The following ZDHHC2 variants were observed in gnomAD, a reference collection of about 807,000 sequenced individuals.
The protein encoded by ZDHHC2 is zDHHC palmitoyltransferase 2, also known as palmitoyltransferase ZDHHC2.
A neutral mutation model predicts 55.6 loss-of-function variants in ZDHHC2; 51 were observed. The observed-to-expected ratio is 0.92, with a 90% CI of 0.73 to 1.16. The LOEUF is 1.16. Ranked by LOEUF, ZDHHC2 falls within the 50% of genes most tolerant of loss-of-function variation. The pLI is 0.00. For synonymous variants in ZDHHC2, 199 were observed against 152.9 expected, an observed-to-expected ratio of 1.30 and a Z score of -2.22; for missense variants, 491 against 442.4, an observed-to-expected ratio of 1.11 and a Z score of -0.99.
intron 1 of ZDHHC2, among the ~76,000 whole-genome samples, chr8:17,172,758 C>T (rs1315433439): frequency 6.6e-6 from 1 of 152,066 alleles, no homozygotes; most frequent in Non-Finnish European, 1.5e-5. Flanking sequence ...CTGTGTAGTA[C>T]AAATTGGAGT....
At position 17,224,090 on chromosome 8, in the gene ZDHHC2, T is replaced by A. The variant is rs569712995; in HGVS notation, c.*3869T>A. Reference sequence around the variant, plus strand: ...AAATGTGAGCAAAGAACTATGATGATGCAGTCCAGGTATCTAATAGCTCAA... The same window carrying A: ...AAATGTGAGCAAAGAACTATGATGAAGCAGTCCAGGTATCTAATAGCTCAA... On this transcript the variant is annotated 3_prime_UTR_variant, in exon 13 of 13. Coordinates refer to ENST00000262096, the MANE Select transcript of ZDHHC2 (RefSeq NM_016353.5). The A allele has an allele frequency of 2.3e-4, 35 of 151,778 alleles. No homozygotes were observed. Among genetic ancestry groups the A allele is most frequent in the African/African-American group, 8.2e-4 (34 of 41,504 alleles). The allele number at this position is 151,778 out of a possible 1,614,324, so 9.4% of individuals were successfully genotyped here.
chr8:17,156,898 A>T lies in ZDHHC2; in HGVS notation c.130+45A>T. ...CGGCGCCCCCAGCGCAGCGCAGCCC[A>T]CCCCGACTGTCCCGGGACGCTCAGC... is the stretch of plus-strand genomic sequence containing the variant. On this transcript the variant is annotated intron_variant, in intron 1 of 12. Coordinates refer to ENST00000262096, the MANE Select transcript of ZDHHC2 (RefSeq NM_016353.5). 2.7e-6 allele frequency: 4 copies of T among 1,461,070 alleles called. No homozygotes were observed. The South Asian group carries it at 3.9e-5, about 14-fold the overall frequency. 90.5% of individuals were successfully genotyped at this position (1,461,070 alleles called of 1,614,324 possible). A position where few individuals can be genotyped will look rare whatever the true frequency, so the allele number is the denominator to read the frequency against.
chr8:17,203,849 C>G (rs1016624424), intron 6 of ZDHHC2, among the ~76,000 whole-genome samples: 3 of 143,366 alleles, frequency 2.1e-5, no homozygotes, highest in Non-Finnish European at 4.5e-5. Context: ...CCCTTTGTTG[C>G]CAGGCTGGAG....
chr8:17,204,415 C>G (rs996498908), intron 6 of ZDHHC2, among the ~76,000 whole-genome samples: 1 of 152,216 alleles, frequency 6.6e-6, no homozygotes, highest in African/African-American at 2.4e-5. Flanking sequence ...CCTGTATGTT[C>G]TATTTAATAG....
At chr8:17,169,871 C>A (rs1804771640) in intron 1 of ZDHHC2, among the ~76,000 whole-genome samples, 1 of 151,914 alleles carries the variant, frequency 6.6e-6, no homozygotes, top group South Asian at 2.1e-4. Flanking sequence ...TTTTTTAGAA[C>A]TTCTCACTTA....
rs1310376712 is a variant in ZDHHC2 at position 17,195,589 on chromosome 8, A to G, written c.338A>G (p.Lys113Arg). ...AHQEVLRRAA[K>R]DLPIYTRTMS... is the part of the protein sequence containing the mutation. ...CAGGAAGTTCTTAGGCGAGCAGCCA[A>G]GGATCTTCCCATCTATACCAGGACC... The change falls in exon 4 of 13, where the codon AAG becomes AGG. Residue 113 changes from lysine to arginine, a missense_variant. Lys to Arg is a conservative substitution (Grantham distance 26, BLOSUM62 2). Coordinates refer to ENST00000262096, the MANE Select transcript of ZDHHC2 (RefSeq NM_016353.5). 4.3e-6 allele frequency: 7 copies of G among 1,613,820 alleles called. No homozygotes were observed. Among genetic ancestry groups the G allele is most frequent in the African/African-American group, 2.7e-5 (2 of 74,930 alleles).
At position 17,212,361 on chromosome 8, in the gene ZDHHC2, C is replaced by T. The variant is rs77063057; in HGVS notation, c.950+1881C>T. Among the ~76,000 whole-genome samples the T allele has an allele frequency of 3.8e-3, 577 of 152,236 alleles. 7 individuals are homozygous for T. Among genetic ancestry groups the T allele is most frequent in the East Asian group, 0.033 (173 of 5,174 alleles). The stretch of plus-strand genomic sequence containing the variant: ...AATTTGATTCCCAGCCATGTGTACC[C>T]TCATCACCACCCTAAACCAGAATCT... On this transcript the variant is annotated intron_variant, in intron 10 of 12. Transcript: ENST00000262096.
intron 7 of ZDHHC2, among the ~76,000 whole-genome samples, chr8:17,207,464 T>A (rs1385542377): frequency 2.6e-5 from 4 of 152,198 alleles, no homozygotes; most frequent in Non-Finnish European, 5.9e-5. Flanking sequence ...AATGTGTTGT[T>A]ATATGTATTC....
At chr8:17,192,122 T>G (rs981807995) in intron 3 of ZDHHC2, among the ~76,000 whole-genome samples, 3 of 152,180 alleles carry the variant, frequency 2.0e-5, no homozygotes, top group African/African-American at 7.2e-5. Flanking sequence ...TAGCTGTGAC[T>G]ACAGGCATGC....
chr8:17,173,875 A>G (rs2150892117), intron 1 of ZDHHC2, among the ~76,000 whole-genome samples: 1 of 152,250 alleles, frequency 6.6e-6, no homozygotes, highest in South Asian at 2.1e-4. Flanking sequence ...AAGGGTCTTT[A>G]AAGAAATAAT....
At chr8:17,159,840 C>T (rs1399985752) in intron 1 of ZDHHC2, among the ~76,000 whole-genome samples, 1 of 152,118 alleles carries the variant, frequency 6.6e-6, no homozygotes, top group African/African-American at 2.4e-5. Flanking sequence ...ATTTGTATTC[C>T]TCCCCCTCCA....
chr8:17,186,204 A>C (rs1025238032), intron 2 of ZDHHC2, 127 bp from the exon 3 acceptor site: 10 of 618,366 alleles, frequency 1.6e-5, no homozygotes, highest in Non-Finnish European at 2.7e-5. Flanking sequence ...GTATAAAGTA[A>C]AGGAACTTTC....
chr8:17,186,215 A>C (rs1241424042), intron 2 of ZDHHC2, 116 bp from the exon 3 acceptor site: 6 of 642,884 alleles, frequency 9.3e-6, no homozygotes, highest in East Asian at 3.1e-5. Flanking sequence ...AGGAACTTTC[A>C]TAATGTATTA....
Position 17,186,406 on chromosome 8 carries a change from C to A in ZDHHC2, c.233C>A (p.Pro78Gln). Reference sequence around the variant, plus strand: ...TACTGGAAAACTATCTTTACATTACCAATGAATCCTTCAAAAGAAGTAAGT... The same window carrying A: ...TACTGGAAAACTATCTTTACATTACAAATGAATCCTTCAAAAGAAGTAAGT... ...WSYWKTIFTL[P>Q]MNPSKEFHLS... The change falls in exon 3 of 13, where the codon CCA becomes CAA. Residue 78 changes from proline to glutamine, a missense_variant. Transcript: ENST00000262096. 1 of 1,557,248 alleles carries A rather than the reference C, an allele frequency of 6.4e-7. No homozygotes were observed.
At chr8:17,209,264 A>G (rs908679677) in intron 8 of ZDHHC2, among the ~76,000 whole-genome samples, 2 of 152,152 alleles carry the variant, frequency 1.3e-5, no homozygotes, top group Non-Finnish European at 2.9e-5. Context: ...GGTTTGGACA[A>G]ACTAGTTTAA....
intron 3 of ZDHHC2, among the ~76,000 whole-genome samples, chr8:17,194,473 G>A (rs577805635): frequency 6.6e-6 from 1 of 151,396 alleles, no homozygotes; most frequent in Non-Finnish European, 1.5e-5. Context: ...CATCTCTGCT[G>A]TGCATCTCCC....
chr8:17,224,607 G>A lies in ZDHHC2; in HGVS notation c.*4386G>A, dbSNP rs920635469. ...GTGCTTAATCAATTGAAAAAAAAAC[G>A]CATAATGCTTCAAGGTAAAATTCCG... On this transcript the variant is annotated 3_prime_UTR_variant, in exon 13 of 13. Transcript: ENST00000262096. 1 of 151,216 alleles carries A rather than the reference G, an allele frequency of 6.6e-6. No homozygotes were observed. The highest frequency in any genetic ancestry group is 1.5e-5 in the Non-Finnish European group (1 of 67,588). 9.4% of individuals were successfully genotyped at this position (151,216 alleles called of 1,614,324 possible).
chr8:17,178,213 GACAGTA>G (rs1418999548), intron 1 of ZDHHC2, among the ~76,000 whole-genome samples: 1 of 152,076 alleles, frequency 6.6e-6, no homozygotes, highest in Non-Finnish European at 1.5e-5. Flanking sequence ...TACCATTTAG[GACAGTA>G]ACACTTTAAT....
intron 1 of ZDHHC2, among the ~76,000 whole-genome samples, chr8:17,163,405 A>C (rs1804449834): frequency 6.6e-6 from 1 of 152,170 alleles, no homozygotes; most frequent in South Asian, 2.1e-4. Flanking sequence ...CATGGTGAGA[A>C]GTGTGCTAGC....
Sources: gnomAD v4.1 joint callset for allele counts (sites outside exome capture counted in the v4.1 genomes callset) on GRCh38, gnomAD v4.1.1 for gene constraint, MANE v1.5 for transcripts, NCBI Gene and HGNC (gene_info 2026-07-23, HGNC 2026-07-21) for gene names.